The following KIF16B variants were observed in gnomAD, a reference collection of about 807,000 sequenced individuals.
KIF16B encodes kinesin family member 16B.
Under a neutral mutation model 156.3 loss-of-function variants are expected in KIF16B, and 98 were observed. The observed-to-expected ratio is 0.63, with a 90% CI of 0.53 to 0.74. The LOEUF is 0.74. Among genes scored for constraint, KIF16B ranks in the 30% least tolerant of loss-of-function variants. KIF16B has a pLI of 0.00. For missense variants in KIF16B, 1,421 were observed against 1,606.5 expected (o/e 0.88, Z 1.97); for synonymous variants, 564 against 583.7 (o/e 0.97, Z 0.49).
intron 24 of KIF16B, among the ~76,000 whole-genome samples, chr20:16,325,203 C>G (rs141039801): frequency 6.6e-6 from 1 of 151,954 alleles, no homozygotes; most frequent in Non-Finnish European, 1.5e-5. Flanking sequence ...ATATACTGAA[C>G]AGAGAAAAGG....
chr20:16,538,829 G>A (rs1037710173), intron 1 of KIF16B, among the ~76,000 whole-genome samples: 11 of 152,134 alleles, frequency 7.2e-5, no homozygotes, highest in Non-Finnish European at 1.5e-4. Context: ...TCTCATGAAT[G>A]GTTCAGCACC....
intron 24 of KIF16B, 147 bp downstream of exon 24, chr20:16,335,779 T>C (rs1267329097): frequency 2.2e-6 from 1 of 464,858 alleles, no homozygotes. Flanking sequence ...CTTTGATAAA[T>C]GGGTTATTGA....
At chr20:16,295,849 C>G (rs953367879) in intron 25 of KIF16B, among the ~76,000 whole-genome samples, 1 of 152,182 alleles carries the variant, frequency 6.6e-6, no homozygotes, top group African/African-American at 2.4e-5. Context: ...AGTAATGATA[C>G]TATGGTACAT....
chr20:16,487,756 C>T (rs181332960), intron 12 of KIF16B, among the ~76,000 whole-genome samples: 5 of 152,250 alleles, frequency 3.3e-5, no homozygotes, highest in Non-Finnish European at 5.9e-5. Flanking sequence ...CCTGCCATGG[C>T]CCTGTAGTAT....
rs1399148167 is a variant in KIF16B, at chr20:16,301,657, A to AT, written c.3795+10677dup. On this transcript the variant is annotated intron_variant, in intron 25 of 25. Coordinates refer to ENST00000354981, the MANE Select transcript of KIF16B (RefSeq NM_024704.5). Reference sequence around the variant, plus strand: ...AGATGTCTGTCCAAGTCTTTTGCCCATTTTTTTCTTTTTTTTGAGACAGAG... The same window carrying AT: ...AGATGTCTGTCCAAGTCTTTTGCCCATTTTTTTTCTTTTTTTTGAGACAGAG... Among the ~76,000 whole-genome samples, 14 of 151,532 alleles carry AT rather than the reference A, an allele frequency of 9.2e-5. No homozygotes were observed. In the East Asian group the frequency reaches 2.1e-3, roughly 23 times the overall value.
At chr20:16,306,701 A>G (rs1380070740) in intron 25 of KIF16B, among the ~76,000 whole-genome samples, 3 of 152,084 alleles carry the variant, frequency 2.0e-5, no homozygotes, top group Non-Finnish European at 4.4e-5. Context: ...CTGGCTCTTA[A>G]AACAGCTCTG....
intron 25 of KIF16B, among the ~76,000 whole-genome samples, chr20:16,284,816 C>G (rs974129820): frequency 6.6e-6 from 1 of 152,146 alleles, no homozygotes; most frequent in Non-Finnish European, 1.5e-5. Flanking sequence ...ACAGTAGATG[C>G]CACCTGGCAG....
intron 1 of KIF16B, among the ~76,000 whole-genome samples, chr20:16,549,212 C>T (rs1361806411): frequency 7.0e-6 from 1 of 142,208 alleles, no homozygotes; most frequent in African/African-American, 2.7e-5. Flanking sequence ...CACCACAGTC[C>T]CCAGAGTGTG....
chr20:16,396,505 AATAT>A (rs1055181334), intron 17 of KIF16B, among the ~76,000 whole-genome samples: 1 of 151,348 alleles, frequency 6.6e-6, no homozygotes, highest in East Asian at 1.9e-4. Flanking sequence ...ATAAAATATA[AATAT>A]ATATATATAA....
At chr20:16,514,329 G>C (rs868137192) in intron 4 of KIF16B, among the ~76,000 whole-genome samples, 1 of 151,948 alleles carries the variant, frequency 6.6e-6, no homozygotes, top group Non-Finnish European at 1.5e-5. Flanking sequence ...AAGACTTCCC[G>C]AACAGCACTT....
chr20:16,417,406 G>A (rs1289309507), intron 15 of KIF16B, among the ~76,000 whole-genome samples: 1 of 152,126 alleles, frequency 6.6e-6, no homozygotes, highest in African/African-American at 2.4e-5. Context: ...AAAGCTGATG[G>A]TAACTTATGG....
chr20:16,556,131 C>T (rs2070839125), intron 1 of KIF16B, among the ~76,000 whole-genome samples: 1 of 152,154 alleles, frequency 6.6e-6, no homozygotes, highest in Admixed American at 6.5e-5. Flanking sequence ...AGAGGTGGTC[C>T]AGTACCAACA....
chr20:16,365,201 A>C (rs940097565), intron 22 of KIF16B, among the ~76,000 whole-genome samples: 64 of 152,320 alleles, frequency 4.2e-4, no homozygotes, highest in African/African-American at 1.5e-3. Context: ...AACTTGAAAA[A>C]AGGAATGCAA....
rs956234710 is a variant in KIF16B, at chr20:16,406,235, A to G, written c.1695+139T>C. ...TCATCTGCTGGGAAACAATCTCCCT[A>G]GAATCAATCCAGATCACAGAACTAC... On this transcript the variant is annotated intron_variant, in intron 16 of 25. Coordinates refer to ENST00000354981, the MANE Select transcript of KIF16B (RefSeq NM_024704.5). The G allele has an allele frequency of 4.2e-6, 3 of 715,116 alleles. No individual in the cohort carries two copies. The African/African-American group carries it at 5.3e-5, about 13-fold the overall frequency. The allele number at this position is 715,116 out of a possible 1,614,324, so 44.3% of individuals were successfully genotyped here.
chr20:16,548,727 G>C (rs2070510475), intron 1 of KIF16B, among the ~76,000 whole-genome samples: 1 of 152,076 alleles, frequency 6.6e-6, no homozygotes, highest in Non-Finnish European at 1.5e-5. Context: ...AGAAGTCTCA[G>C]GACCACTGCT....
intron 3 of KIF16B, among the ~76,000 whole-genome samples, chr20:16,520,797 T>C (rs1178079353): frequency 3.3e-5 from 5 of 152,046 alleles, no homozygotes; most frequent in Non-Finnish European, 5.9e-5. Context: ...TGGCATCTGG[T>C]GGGTGCCCCT....
chr20:16,409,785 C>T (rs1201302994), intron 15 of KIF16B, among the ~76,000 whole-genome samples: 1 of 151,030 alleles, frequency 6.6e-6, no homozygotes, highest in Non-Finnish European at 1.5e-5. Flanking sequence ...GTCTTCTGCA[C>T]AGACTGAGAA....
At chr20:16,299,392 A>G (rs1326906584) in intron 25 of KIF16B, among the ~76,000 whole-genome samples, 1 of 152,196 alleles carries the variant, frequency 6.6e-6, no homozygotes, top group Non-Finnish European at 1.5e-5. Flanking sequence ...ATTAGTTTCT[A>G]CATCACAGTA....
chr20:16,526,924 C>T (rs926171634), intron 2 of KIF16B, among the ~76,000 whole-genome samples: 4 of 152,168 alleles, frequency 2.6e-5, no homozygotes, highest in African/African-American at 9.7e-5. Context: ...CACTAAAAGT[C>T]TAGGCATCTG....
Sources: gnomAD v4.1 joint callset for allele counts (sites outside exome capture counted in the v4.1 genomes callset) on GRCh38, gnomAD v4.1.1 for gene constraint, MANE v1.5 for transcripts, NCBI Gene and HGNC (gene_info 2026-07-23, HGNC 2026-07-21) for gene names.